PHACTR3: variants seen among roughly 807,000 people sequenced by gnomAD.
PHACTR3 encodes protein phosphatase 1, regulatory subunit 123.
Under a neutral mutation model 66.8 loss-of-function variants are expected in PHACTR3, and 16 were observed. The observed-to-expected ratio is 0.24, with a 90% CI of 0.16 to 0.36. The LOEUF is 0.36. Ranked by LOEUF, PHACTR3 falls within the 10% of genes least tolerant of loss-of-function variation. PHACTR3 has a pLI of 1.00. For synonymous variants in PHACTR3, 323 were observed against 292.1 expected (o/e 1.11, Z -1.08); for missense variants, 647 against 719.9 (o/e 0.90, Z 1.16).
At position 59,605,072 on chromosome 20, in the gene PHACTR3, G is replaced by A; in HGVS notation, c.58G>A (p.Asp20Asn). ...CGTGTCGCGGGGCCGCTCGCAGAGT[G>A]ACCCCAGCGTCCTCACCGACTCCTC... ...CLVSRGRSQS[D>N]PSVLTDSSAT... is the part of the protein sequence containing the mutation. Residue 20 changes from aspartate (D) to asparagine (N), a missense_variant, in exon 1 of 13, where the codon GAC becomes AAC. Asp to Asn is a conservative substitution (Grantham distance 23, BLOSUM62 1). Coordinates refer to ENST00000371015, the MANE Select transcript of PHACTR3 (RefSeq NM_080672.5). 1.4e-6 allele frequency: 2 copies of A among 1,417,780 alleles called. No individual in the cohort carries two copies. The highest frequency in any genetic ancestry group is 1.9e-6 in the Non-Finnish European group (2 of 1,079,492). 87.8% of individuals were successfully genotyped at this position (1,417,780 alleles called of 1,614,324 possible). A position where few individuals can be genotyped will look rare whatever the true frequency, so the allele number is the denominator to read the frequency against.
intron 6 of PHACTR3, 95 bp downstream of exon 6, chr20:59,773,548 C>A: frequency 7.7e-7 from 1 of 1,294,420 alleles, no homozygotes; most frequent in Non-Finnish European, 1.0e-6. Context: ...AGGGCCTTGG[C>A]TGGGTGTCCC....
At chr20:59,624,935 T>C (rs951654809) in intron 1 of PHACTR3, among the ~76,000 whole-genome samples, 8 of 152,142 alleles carry the variant, frequency 5.3e-5, no homozygotes. Context: ...ATCCTTAGTA[T>C]TTTTCTAATG....
At chr20:59,651,881 A>G (rs1443935388) in intron 1 of PHACTR3, among the ~76,000 whole-genome samples, 1 of 151,006 alleles carries the variant, frequency 6.6e-6, no homozygotes, top group East Asian at 1.9e-4. Flanking sequence ...AGGTAGGTAG[A>G]TAGACGGATA....
At chr20:59,774,781 T>C (rs567897826) in intron 7 of PHACTR3, among the ~76,000 whole-genome samples, 13 of 149,426 alleles carry the variant, frequency 8.7e-5, no homozygotes, top group African/African-American at 3.2e-4. Context: ...AACATAAAAG[T>C]GGTGAAGCAA....
intron 1 of PHACTR3, among the ~76,000 whole-genome samples, chr20:59,672,803 C>T (rs2036240007): frequency 6.6e-6 from 1 of 152,214 alleles, no homozygotes; most frequent in Middle Eastern, 3.2e-3. Context: ...CCCCACACAC[C>T]GCAGCAAAGT....
chr20:59,840,615 T>TC (rs1446094116), intron 10 of PHACTR3, among the ~76,000 whole-genome samples, 185 bp downstream of exon 10: 1 of 152,204 alleles, frequency 6.6e-6, no homozygotes, highest in Non-Finnish European at 1.5e-5. Context: ...CCTCTGACGT[T>TC]CCCTATGGAC....
At chr20:59,628,915 C>A in intron 1 of PHACTR3, 1 of 619,614 alleles carries the variant, frequency 1.6e-6, no homozygotes, top group Non-Finnish European at 2.0e-6. Context: ...CAGAGCTTCC[C>A]TCAATGACAG....
intron 1 of PHACTR3, among the ~76,000 whole-genome samples, chr20:59,650,881 G>T (rs118071611): frequency 2.0e-5 from 3 of 152,112 alleles, no homozygotes; most frequent in Non-Finnish European, 2.9e-5. Context: ...AGGGTTGGGG[G>T]CTATGATAGG....
At chr20:59,624,910 A>C (rs1219241965) in intron 1 of PHACTR3, among the ~76,000 whole-genome samples, 2 of 152,174 alleles carry the variant, frequency 1.3e-5, no homozygotes, top group African/African-American at 2.4e-5. Flanking sequence ...ACTCAAGTTC[A>C]TACTTTATTC....
chr20:59,647,844 TG>T (rs1287655238), intron 1 of PHACTR3, among the ~76,000 whole-genome samples: 2 of 152,218 alleles, frequency 1.3e-5, no homozygotes, highest in African/African-American at 4.8e-5. Context: ...TGGCCTTTCT[TG>T]GCTGGGTTTC....
At position 59,676,368 on chromosome 20, in the gene PHACTR3, G is replaced by T. The variant is rs748185227; in HGVS notation, c.119-66739G>T. ...GTCTCGGGCACAGAGAGGAGTGGGC[G>T]CCTGGCCCTGAGCAGAGGGGAGGCT... is the stretch of plus-strand genomic sequence containing the variant. On this transcript the variant is annotated intron_variant, in intron 1 of 12. Coordinates refer to ENST00000371015, the MANE Select transcript of PHACTR3 (RefSeq NM_080672.5). Among the ~76,000 whole-genome samples, 6 of 152,340 alleles carry T rather than the reference G, an allele frequency of 3.9e-5. No individual in the cohort carries two copies. The East Asian group carries it at 9.6e-4, about 24-fold the overall frequency.
At position 59,604,984 on chromosome 20, in the gene PHACTR3, G is replaced by A. The variant is rs1386443602; in HGVS notation, c.-31G>A. ...CGGATGCTCTGATTCCACGCGGCTC[G>A]CTCTAACTTGCCCCCGCGCCGGCCG... On this transcript the variant is annotated 5_prime_UTR_variant, in exon 1 of 13. Transcript: ENST00000371015. 5 of 1,274,838 alleles carry A rather than the reference G, an allele frequency of 3.9e-6. No homozygotes were observed. The highest frequency in any genetic ancestry group is 5.0e-6 in the Non-Finnish European group (5 of 1,004,894). 79.0% of individuals were successfully genotyped at this position (1,274,838 alleles called of 1,614,324 possible).
At chr20:59,581,442 T>C (rs7273640) in intron 1 of PHACTR3, among the ~76,000 whole-genome samples, 30,460 of 152,138 alleles carry the variant, frequency 0.2, 3,603 homozygotes, top group East Asian at 0.38. Flanking sequence ...GCTCCAAGCC[T>C]CACATTTTTC....
chr20:59,845,155 T>A, intron 11 of PHACTR3, 34 bp from the exon 12 acceptor site: 1 of 1,321,118 alleles, frequency 7.6e-7, no homozygotes, highest in Non-Finnish European at 1.1e-6. Context: ...TTTTTTAATA[T>A]CCTGTAAAAC....
chr20:59,828,675 C>T (rs186457283), intron 8 of PHACTR3, among the ~76,000 whole-genome samples: 3 of 151,450 alleles, frequency 2.0e-5, no homozygotes, highest in African/African-American at 2.4e-5. Flanking sequence ...AAATGCAGCT[C>T]GACGTGGGGC....
intron 1 of PHACTR3, among the ~76,000 whole-genome samples, chr20:59,675,404 C>A (rs1375184768): frequency 2.0e-5 from 3 of 152,106 alleles, no homozygotes; most frequent in Non-Finnish European, 2.9e-5. Flanking sequence ...GCTCCTCCAT[C>A]CCCTGCAGGA....
At chr20:59,647,709 C>T (rs2035330065) in intron 1 of PHACTR3, among the ~76,000 whole-genome samples, 1 of 152,172 alleles carries the variant, frequency 6.6e-6, no homozygotes, top group South Asian at 2.1e-4. Flanking sequence ...CACACACACA[C>T]CCTGTACAAA....
At chr20:59,624,373 G>A (rs553585498) in intron 1 of PHACTR3, among the ~76,000 whole-genome samples, 10 of 152,214 alleles carry the variant, frequency 6.6e-5, no homozygotes, top group African/African-American at 1.4e-4. Flanking sequence ...TATGAGACTC[G>A]CCGGGGGTCT....
intron 1 of PHACTR3, among the ~76,000 whole-genome samples, chr20:59,739,892 G>C (rs2039088439): frequency 6.6e-6 from 1 of 152,024 alleles, no homozygotes; most frequent in Non-Finnish European, 1.5e-5. Context: ...GGGGCCTCTG[G>C]AGTCAGGGTG....
Sources: allele counts gnomAD v4.1 joint callset (sites outside exome capture counted in the v4.1 genomes callset), GRCh38; gene constraint gnomAD v4.1.1; transcripts MANE v1.5; gene names NCBI Gene and HGNC (gene_info 2026-07-23, HGNC 2026-07-21).